Variants in CCT4 observed in about 807,000 individuals in gnomAD.
The protein encoded by CCT4 is chaperonin containing TCP1 subunit 4.
CCT4 carries 17 observed loss-of-function variants against 62.5 expected under a neutral mutation model. The observed-to-expected ratio is 0.27, with a 90% CI of 0.19 to 0.41. CCT4 has a LOEUF of 0.41. CCT4 is among the 10% of genes least tolerant of loss of function. The probability of loss-of-function intolerance (pLI) is 1.00; values close to 1 mark genes in which losing one functional copy is unlikely to be tolerated. For synonymous variants in CCT4, 250 were observed against 229.9 expected (o/e 1.09, Z -0.79); for missense variants, 592 against 659.2 (o/e 0.90, Z 1.12).
At chr2:61,880,831 G>C (rs924712915) in intron 3 of CCT4, among the ~76,000 whole-genome samples, 2 of 151,826 alleles carry the variant, frequency 1.3e-5, no homozygotes, top group Admixed American at 1.3e-4. Flanking sequence ...TCAGTCTCCC[G>C]AGTAGCTGGG....
intron 3 of CCT4, 71 bp from the exon 4 acceptor site, chr2:61,880,465 TCGCAC>T: frequency 1.3e-6 from 1 of 789,260 alleles, no homozygotes; most frequent in Non-Finnish European, 2.2e-6. Context: ...ATTCAAATAA[TCGCAC>T]CAGTGTCACA....
Position 61,880,394 on chromosome 2 carries a change from G to T in CCT4, c.271C>A (p.Leu91Met). 1.3e-6 allele frequency: 2 copies of T among 1,581,520 alleles called. No homozygotes were observed. Among genetic ancestry groups the T allele is most frequent in the Non-Finnish European group, 8.6e-7 (1 of 1,158,980 alleles). ...TCTTGAGCCTTAGACAGCTCCACCA[G>T]CTAAGTGAACAGAAAATGCCAAGTT... is the stretch of plus-strand genomic sequence containing the variant. ...MQVLHPAARM[L>M]VELSKAQDIE... Residue 91 changes from leucine (L) to methionine (M), a missense_variant and splice_region_variant, in exon 4 of 14, where the codon CTG becomes ATG. By Grantham distance (15) the Leu-to-Met change is conservative. Transcript: ENST00000394440.
rs1275248992 is a variant in CCT4 at position 61,872,905 on chromosome 2, C to T, written c.1125+97G>A. ...TCATGCCACTGCACTCCAACCTGGG[C>T]GACAGAGTGAGACTCCGTCTCAAAA... On this transcript the variant is annotated intron_variant, in intron 10 of 13. Coordinates refer to ENST00000394440, the MANE Select transcript of CCT4 (RefSeq NM_006430.4). The T allele has an allele frequency of 2.5e-5, 19 of 771,526 alleles. No homozygotes were observed. In the African/African-American group the frequency reaches 2.8e-4, roughly 11 times the overall value. 47.8% of individuals were successfully genotyped at this position (771,526 alleles called of 1,614,324 possible). A position where few individuals can be genotyped will look rare whatever the true frequency, so the allele number is the denominator to read the frequency against.
At chr2:61,879,298 G>C (rs1447914311) in intron 4 of CCT4, among the ~76,000 whole-genome samples, 7 of 107,866 alleles carry the variant, frequency 6.5e-5, no homozygotes, top group African/African-American at 2.6e-4. Flanking sequence ...GTCTTACTCT[G>C]TCACCCAGGC....
intron 3 of CCT4, 31 bp downstream of exon 3, chr2:61,883,428 A>AG: frequency 8.8e-7 from 1 of 1,136,502 alleles, no homozygotes; most frequent in Non-Finnish European, 1.3e-6. Flanking sequence ...AAAAAAAAAA[A>AG]AAAAAAAGAC....
chr2:61,868,692 T>C lies in CCT4; in HGVS notation c.1620A>G (p.Ter540=), dbSNP rs1263553484. ...LKIDDVVNTR[*] is the part of the protein sequence containing the mutation. ...TAATGGTGCTAGTCAGTTATCCAGA[T>C]TATCGAGTGTTTACCTGATAAGAGA... Residue 540 remains the stop codon, a stop_retained_variant, in exon 14 of 14, where the codon TAA becomes TAG. Transcript: ENST00000394440. The C allele has an allele frequency of 6.3e-7, 1 of 1,592,350 alleles. No individual in the cohort carries two copies. The highest frequency in any genetic ancestry group is 1.7e-5 in the Admixed American group (1 of 59,996).
Position 61,872,944 on chromosome 2 carries a change from A to C in CCT4, c.1125+58T>G, listed in dbSNP as rs558262782. 34 of 990,896 alleles carry C rather than the reference A, an allele frequency of 3.4e-5. 1 individual carries two copies. The highest frequency in any genetic ancestry group is 3.3e-4 in the East Asian group (14 of 41,968). The allele number at this position is 990,896 out of a possible 1,614,324, so 61.4% of individuals were successfully genotyped here. On this transcript the variant is annotated intron_variant, in intron 10 of 13. Transcript: ENST00000394440. ...TCCGTCTCAAAAAAAGAAAAAAAAC[A>C]ACCTAAAACCCCATACCCAAACCTA...
chr2:61,877,471 T>C lies in CCT4; in HGVS notation c.566A>G (p.Asn189Ser). The C allele has an allele frequency of 6.2e-7, 1 of 1,608,872 alleles. No individual in the cohort carries two copies. Among genetic ancestry groups the C allele is most frequent in the Non-Finnish European group, 8.5e-7 (1 of 1,176,792 alleles). Residue 189 changes from asparagine (N) to serine (S), a missense_variant, in exon 6 of 14, where the codon AAT (asparagine) becomes AGT (serine). By Grantham distance (46) the Asn-to-Ser change is conservative. Around this residue, in one of 3 missense-constraint regions of CCT4, gnomAD observed 522 missense variants for 571.2 expected, o/e 0.91. Coordinates refer to ENST00000394440, the MANE Select transcript of CCT4 (RefSeq NM_006430.4). ...YSSLLSPMSVNAVMKVIDPAT... is the reference protein window; with the variant it reads ...YSSLLSPMSVSAVMKVIDPAT... Reference sequence around the variant, plus strand: ...TGGGTCAATCACTTTCATCACTGCATTTACACTCATTGGAGAAAGCAGACT... The same window carrying C: ...TGGGTCAATCACTTTCATCACTGCACTTACACTCATTGGAGAAAGCAGACT...
At position 61,876,084 on chromosome 2, in the gene CCT4, T is replaced by G; in HGVS notation, c.917+11A>C. 1 of 1,557,300 alleles carries G rather than the reference T, an allele frequency of 6.4e-7. No homozygotes were observed. Among genetic ancestry groups the G allele is most frequent in the Non-Finnish European group, 8.8e-7 (1 of 1,142,492 alleles). Reference sequence around the variant, plus strand: ...ATCATTAAGGGATGAACAAAATAAATAGCCCCACACCTTAGAATAGATTTC... The same window carrying G: ...ATCATTAAGGGATGAACAAAATAAAGAGCCCCACACCTTAGAATAGATTTC... On this transcript the variant is annotated intron_variant, in intron 8 of 13. Coordinates refer to ENST00000394440, the MANE Select transcript of CCT4 (RefSeq NM_006430.4).
At chr2:61,884,323 A>C (rs992052672) in intron 2 of CCT4, among the ~76,000 whole-genome samples, 9 of 152,050 alleles carry the variant, frequency 5.9e-5, no homozygotes, top group South Asian at 2.1e-4. Flanking sequence ...TTTTGGTTTG[A>C]GATGGAGTCT....
chr2:61,881,450 T>G (rs2105137341), intron 3 of CCT4, among the ~76,000 whole-genome samples: 1 of 152,278 alleles, frequency 6.6e-6, no homozygotes, highest in Middle Eastern at 3.4e-3. Context: ...AATGAATTTG[T>G]TTTTGCTCAT....
chr2:61,869,633 C>T (rs1262894456), intron 12 of CCT4, 80 bp from the exon 13 acceptor site: 4 of 766,070 alleles, frequency 5.2e-6, no homozygotes, highest in Non-Finnish European at 9.5e-6. Flanking sequence ...CAGTGTACCT[C>T]AAGACCTAAA....
At chr2:61,879,256 C>CTTTTTT (rs35373962) in intron 4 of CCT4, among the ~76,000 whole-genome samples, 20 of 101,048 alleles carry the variant, frequency 2.0e-4, no homozygotes, top group African/African-American at 2.7e-4. Context: ...AAATTTTATA[C>CTTTTTT]TTTTTTTTTT....
intron 12 of CCT4, among the ~76,000 whole-genome samples, chr2:61,871,719 T>A (rs1405096996): frequency 6.6e-6 from 1 of 152,254 alleles, no homozygotes; most frequent in African/African-American, 2.4e-5. Context: ...CAGTCTTTAG[T>A]ATATGCCAAG....
At chr2:61,883,051 G>A (rs141791620) in intron 3 of CCT4, among the ~76,000 whole-genome samples, 4 of 152,262 alleles carry the variant, frequency 2.6e-5, no homozygotes, top group Admixed American at 1.3e-4. Context: ...TGTTCAGCAC[G>A]AAAAGTGTTC....
At chr2:61,882,823 T>TC (rs1669148689) in intron 3 of CCT4, among the ~76,000 whole-genome samples, 2 of 146,546 alleles carry the variant, frequency 1.4e-5, no homozygotes, top group Non-Finnish European at 3.0e-5. Flanking sequence ...TTTTTTTTTT[T>TC]CTGGGGTTTC....
intron 13 of CCT4, 131 bp downstream of exon 13, chr2:61,869,309 C>T: frequency 6.5e-6 from 4 of 618,284 alleles, no homozygotes; most frequent in Non-Finnish European, 1.2e-5. Context: ...GTGCTCCAGC[C>T]TGGGCAACAG....
At chr2:61,877,247 G>T in intron 6 of CCT4, 146 bp downstream of exon 6, 1 of 901,852 alleles carries the variant, frequency 1.1e-6, no homozygotes, top group Non-Finnish European at 1.7e-6. Context: ...ATCTCCAGAT[G>T]CCCATACTAA....
intron 3 of CCT4, 81 bp downstream of exon 3, chr2:61,883,378 C>T (rs1007454789): frequency 1.1e-4 from 79 of 699,174 alleles, no homozygotes; most frequent in Non-Finnish European, 1.6e-4. Context: ...GATTGTGCCA[C>T]GGCACTCTAG....
Sources: allele counts gnomAD v4.1 joint callset (sites outside exome capture counted in the v4.1 genomes callset), GRCh38; gene constraint gnomAD v4.1.1; regional missense constraint gnomAD v4.1.1; transcripts MANE v1.5; gene names NCBI Gene and HGNC (gene_info 2026-07-23, HGNC 2026-07-21).